Variants in RBMS1 observed in about 807,000 individuals in gnomAD.
RBMS1 encodes RNA-binding motif, single-stranded-interacting protein 1.
In RBMS1, 17 loss-of-function variants were observed where a neutral mutation model predicts 62.3. The observed-to-expected ratio is 0.27, with a 90% confidence interval of 0.19 to 0.41. The LOEUF is 0.41. RBMS1 is among the 10% of genes least tolerant of loss of function. The pLI is 1.00. For missense variants in RBMS1, 334 were observed against 504.5 expected (o/e 0.66, Z 3.24); for synonymous variants, 172 against 170.0 (o/e 1.01, Z -0.09).
At chr2:160,395,241 T>G (rs1016038328) in intron 1 of RBMS1, among the ~76,000 whole-genome samples, 8 of 152,224 alleles carry the variant, frequency 5.3e-5, no homozygotes, top group African/African-American at 1.2e-4. Flanking sequence ...TTTAATTCCT[T>G]GAACACTTTC....
intron 2 of RBMS1, among the ~76,000 whole-genome samples, chr2:160,345,306 G>A (rs1219200334): frequency 6.6e-6 from 1 of 152,050 alleles, no homozygotes; most frequent in Non-Finnish European, 1.5e-5. Flanking sequence ...ATAAAGGTGA[G>A]GGAGGAAAGG....
At chr2:160,376,607 G>T (rs1399100819) in intron 1 of RBMS1, among the ~76,000 whole-genome samples, 1 of 151,774 alleles carries the variant, frequency 6.6e-6, no homozygotes, top group Non-Finnish European at 1.5e-5. Context: ...ATCAGTCTAT[G>T]TATTTCTTTT....
chr2:160,408,265 G>A (rs1398446685), intron 1 of RBMS1, among the ~76,000 whole-genome samples: 1 of 151,708 alleles, frequency 6.6e-6, no homozygotes, highest in Non-Finnish European at 1.5e-5. Context: ...GGACCACTCT[G>A]GCACCTCGGT....
intron 1 of RBMS1, among the ~76,000 whole-genome samples, chr2:160,441,942 A>G (rs969686654): frequency 1.4e-4 from 21 of 152,324 alleles, no homozygotes; most frequent in African/African-American, 5.1e-4. Flanking sequence ...CAAGGTTACT[A>G]GCCATTCATA....
intron 1 of RBMS1, among the ~76,000 whole-genome samples, chr2:160,390,475 G>C (rs1173247218): frequency 6.6e-6 from 1 of 152,168 alleles, no homozygotes; most frequent in Non-Finnish European, 1.5e-5. Flanking sequence ...AGGATCACTT[G>C]AGGCCAGAAG....
intron 4 of RBMS1, among the ~76,000 whole-genome samples, chr2:160,308,855 G>C (rs1441278955): frequency 6.6e-6 from 1 of 152,160 alleles, no homozygotes; most frequent in African/African-American, 2.4e-5. Context: ...TATATACCCA[G>C]TCCAGTGTTG....
At chr2:160,348,007 G>A (rs1692281039) in intron 2 of RBMS1, among the ~76,000 whole-genome samples, 2 of 151,760 alleles carry the variant, frequency 1.3e-5, no homozygotes, top group Admixed American at 1.3e-4. Flanking sequence ...GTATTTCCGA[G>A]CTTTGACCAT....
chr2:160,394,944 T>A (rs1695059962), intron 1 of RBMS1, among the ~76,000 whole-genome samples: 2 of 152,214 alleles, frequency 1.3e-5, no homozygotes, highest in African/African-American at 4.8e-5. Context: ...AGGAGTAAAT[T>A]AAAGGGGTTG....
intron 1 of RBMS1, among the ~76,000 whole-genome samples, chr2:160,460,782 T>C (rs1466206821): frequency 6.6e-6 from 1 of 152,184 alleles, no homozygotes; most frequent in African/African-American, 2.4e-5. Flanking sequence ...AATGGCGAGG[T>C]AGAAGAAAGG....
At chr2:160,420,388 T>C (rs1574035629) in intron 1 of RBMS1, among the ~76,000 whole-genome samples, 2 of 152,226 alleles carry the variant, frequency 1.3e-5, no homozygotes, top group South Asian at 4.1e-4. Context: ...CCTCATGGTC[T>C]ACCCACTCTG....
chr2:160,476,225 T>A (rs1685122117), intron 1 of RBMS1, among the ~76,000 whole-genome samples: 1 of 152,168 alleles, frequency 6.6e-6, no homozygotes, highest in African/African-American at 2.4e-5. Context: ...GAATACTTGG[T>A]TTTTTGCATT....
At chr2:160,346,951 T>A (rs1334669627) in intron 2 of RBMS1, among the ~76,000 whole-genome samples, 1 of 152,106 alleles carries the variant, frequency 6.6e-6, no homozygotes, top group East Asian at 1.9e-4. Flanking sequence ...AAAGAATGAT[T>A]ATGAAAGAAA....
At chr2:160,300,484 C>A (rs1474439680) in intron 6 of RBMS1, among the ~76,000 whole-genome samples, 167 bp downstream of exon 6, 3 of 152,194 alleles carry the variant, frequency 2.0e-5, no homozygotes, top group Admixed American at 1.3e-4. Flanking sequence ...CATCCAATGC[C>A]TATGCCTAGG....
intron 1 of RBMS1, among the ~76,000 whole-genome samples, chr2:160,369,709 A>G (rs1002910566): frequency 6.6e-6 from 1 of 152,068 alleles, no homozygotes; most frequent in Non-Finnish European, 1.5e-5. Flanking sequence ...GCCCGCCCCT[A>G]CCTCTTAGTG....
At chr2:160,274,948 G>A (rs1687753105) in intron 13 of RBMS1, among the ~76,000 whole-genome samples, 184 bp from the exon 14 acceptor site, 1 of 152,138 alleles carries the variant, frequency 6.6e-6, no homozygotes, top group Non-Finnish European at 1.5e-5. Context: ...GTCACATCCA[G>A]GACTTGCAAA....
At chr2:160,371,975 C>T (rs1693748517) in intron 1 of RBMS1, among the ~76,000 whole-genome samples, 1 of 152,142 alleles carries the variant, frequency 6.6e-6, no homozygotes, top group African/African-American at 2.4e-5. Context: ...TCTATGAATA[C>T]AAATCTAAAG....
chr2:160,336,598 A>C (rs1456780669), intron 2 of RBMS1, among the ~76,000 whole-genome samples: 2 of 151,476 alleles, frequency 1.3e-5, no homozygotes. Context: ...TTAAAAAAAC[A>C]GATGAAATTA....
chr2:160,342,875 T>C (rs900926329), intron 2 of RBMS1, among the ~76,000 whole-genome samples: 1 of 151,464 alleles, frequency 6.6e-6, no homozygotes, highest in East Asian at 1.9e-4. Flanking sequence ...AAAGCGGAGG[T>C]TGCAGTGAGC....
chr2:160,307,592 A>G (rs1386982000), intron 4 of RBMS1, among the ~76,000 whole-genome samples: 1 of 152,164 alleles, frequency 6.6e-6, no homozygotes. Flanking sequence ...CATTTGTAAC[A>G]TTTGCCTAGT....
Sources: gnomAD v4.1 joint callset for allele counts (sites outside exome capture counted in the v4.1 genomes callset) on GRCh38, gnomAD v4.1.1 for gene constraint, MANE v1.5 for transcripts, NCBI Gene and HGNC (gene_info 2026-07-23, HGNC 2026-07-21) for gene names.